The following ARAP2 variants were observed in gnomAD, a reference collection of about 807,000 sequenced individuals.
ARAP2 encodes the protein arf-GAP with Rho-GAP domain, ANK repeat and PH domain-containing protein 2.
Under a neutral mutation model 194.5 loss-of-function variants are expected in ARAP2, and 148 were observed. That is an observed-to-expected ratio of 0.76 (90% CI 0.67 to 0.87). The LOEUF is 0.87. ARAP2 is among the 40% of genes least tolerant of loss of function. The probability of loss-of-function intolerance (pLI) is 0.00; values close to 1 mark genes in which losing one functional copy is unlikely to be tolerated. For missense variants in ARAP2, 2,128 were observed against 1,989.7 expected, an observed-to-expected ratio of 1.07 and a Z score of -1.32; for synonymous variants, 695 against 683.5, an observed-to-expected ratio of 1.02 and a Z score of -0.26.
rs371250208 is a variant in ARAP2, at chr4:36,210,522, G to A, written c.1355C>T (p.Pro452Leu). 1.1e-4 allele frequency: 182 copies of A among 1,613,874 alleles called. No individual in the cohort carries two copies. The highest frequency in any genetic ancestry group is 6.6e-4 in the Middle Eastern group (4 of 6,062). Residue 452 changes from proline (P) to leucine (L), a missense_variant, in exon 6 of 33, where the codon CCG becomes CTG. Pro to Leu is a moderately conservative substitution (Grantham distance 98, BLOSUM62 -3). Transcript: ENST00000303965. ...AGCATTTCCACTTGTTGAGCTTAAC[G>A]GATAACTGTGCCTATTAACGGAGTC... ...ILDSVNRHSY[P>L]LSSTSGNADS...
chr4:36,109,842 C>T (rs1268985494), intron 26 of ARAP2, among the ~76,000 whole-genome samples: 2 of 73,338 alleles, frequency 2.7e-5, no homozygotes, highest in African/African-American at 1.1e-4. Context: ...AGGTATATCA[C>T]CTAATGCTAT....
intron 5 of ARAP2, among the ~76,000 whole-genome samples, chr4:36,030,315 T>C (rs1265168753): frequency 2.0e-5 from 3 of 152,248 alleles, no homozygotes; most frequent in African/African-American, 7.2e-5. Flanking sequence ...ACTTATTTTT[T>C]GTTTTGTATT....
chr4:36,212,353 G>C, intron 5 of ARAP2, 43 bp downstream of exon 5: 2 of 1,452,216 alleles, frequency 1.4e-6, no homozygotes, highest in Non-Finnish European at 1.9e-6. Flanking sequence ...TTGTATAACA[G>C]TTTATTCTAA....
intron 5 of ARAP2, among the ~76,000 whole-genome samples, chr4:36,031,049 G>C (rs1170317927): frequency 6.6e-6 from 1 of 152,166 alleles, no homozygotes; most frequent in Non-Finnish European, 1.5e-5. Context: ...AGAATCCCTT[G>C]AACCTGGGAG....
At chr4:36,024,995 C>A (rs1416207683) in intron 5 of ARAP2, among the ~76,000 whole-genome samples, 1 of 152,082 alleles carries the variant, frequency 6.6e-6, no homozygotes, top group African/African-American at 2.4e-5. Flanking sequence ...TATAACGAAT[C>A]AGGTCAGAAA....
chr4:36,072,840 T>C (rs1727351812), intron 32 of ARAP2, among the ~76,000 whole-genome samples: 1 of 152,104 alleles, frequency 6.6e-6, no homozygotes, highest in African/African-American at 2.4e-5. Flanking sequence ...AGAGAAGGAA[T>C]ATTACAGTGG....
intron 2 of ARAP2, among the ~76,000 whole-genome samples, chr4:36,227,683 G>A (rs764653614): frequency 1.3e-5 from 2 of 152,240 alleles, no homozygotes; most frequent in East Asian, 1.9e-4. Context: ...TGTGCAGGAC[G>A]TGTGTAAAGC....
Position 36,124,872 on chromosome 4 carries a change from G to A in ARAP2, c.3736C>T (p.His1246Tyr), listed in dbSNP as rs752218596. The change falls in exon 22 of 33, where the codon CAC becomes TAC. Residue 1246 changes from histidine (H) to tyrosine (Y), a missense_variant. Coordinates refer to ENST00000303965, the MANE Select transcript of ARAP2 (RefSeq NM_015230.4). Reference sequence around the variant, plus strand: ...CATTCATCTACCCACCTATACAGGTGTTCAATGATAGCTGCTAGTGTTGCT... The same window carrying A: ...CATTCATCTACCCACCTATACAGGTATTCAATGATAGCTGCTAGTGTTGCT... ...NRATLAAIIE[H>Y]LYRVQKCSEI... 6.2e-7 allele frequency: 1 copy of A among 1,605,708 alleles called. No homozygotes were observed. Among genetic ancestry groups the A allele is most frequent in the Non-Finnish European group, 8.5e-7 (1 of 1,173,954 alleles).
chr4:36,158,605 C>A, intron 15 of ARAP2, 125 bp downstream of exon 15: 2 of 818,872 alleles, frequency 2.4e-6, no homozygotes, highest in Non-Finnish European at 3.8e-6. Context: ...TTTATAAATC[C>A]TCAAAAATAT....
At chr4:36,221,552 A>G (rs1749172408) in intron 2 of ARAP2, among the ~76,000 whole-genome samples, 1 of 152,096 alleles carries the variant, frequency 6.6e-6, no homozygotes, top group Admixed American at 6.6e-5. Context: ...TATTTTAAGT[A>G]TATCCATTAC....
chr4:36,238,710 G>C (rs986842565), intron 1 of ARAP2, among the ~76,000 whole-genome samples: 1 of 152,162 alleles, frequency 6.6e-6, no homozygotes, highest in Non-Finnish European at 1.5e-5. Flanking sequence ...TGAGAGTTGA[G>C]AGCCAATGAC....
At chr4:36,030,574 C>A (rs913889237) in intron 5 of ARAP2, among the ~76,000 whole-genome samples, 4 of 152,014 alleles carry the variant, frequency 2.6e-5, no homozygotes, top group African/African-American at 9.7e-5. Context: ...CATTAAAAAT[C>A]GTCATTCTCT....
intron 2 of ARAP2, among the ~76,000 whole-genome samples, chr4:36,221,468 C>T (rs1488686949): frequency 6.6e-6 from 1 of 152,022 alleles, no homozygotes; most frequent in African/African-American, 2.4e-5. Context: ...TGAGATCAAA[C>T]CTGGGCAGTC....
Position 36,213,287 on chromosome 4 carries a change from G to A in ARAP2, c.997C>T (p.Pro333Ser), listed in dbSNP as rs141950924. Reference protein sequence around the residue: ...SNEENSSSIFPYGETFLFQRL... With the variant: ...SNEENSSSIFSYGETFLFQRL... Reference sequence around the variant, plus strand: ...TGGAAGAGAAAGGTCTCTCCATAAGGAAAGATGGAAGATGAATTCTCCTCA... The same window carrying A: ...TGGAAGAGAAAGGTCTCTCCATAAGAAAAGATGGAAGATGAATTCTCCTCA... The change falls in exon 4 of 33, where the codon CCT becomes TCT. Residue 333 changes from proline (P) to serine (S), a missense_variant. Pro to Ser is a moderately conservative substitution (Grantham distance 74). Coordinates refer to ENST00000303965, the MANE Select transcript of ARAP2 (RefSeq NM_015230.4). 6.2e-7 allele frequency: 1 copy of A among 1,608,392 alleles called. No homozygotes were observed. The highest frequency in any genetic ancestry group is 8.5e-7 in the Non-Finnish European group (1 of 1,175,220).
chr4:36,029,743 T>C (rs1718602522), intron 5 of ARAP2, among the ~76,000 whole-genome samples: 1 of 151,962 alleles, frequency 6.6e-6, no homozygotes. Context: ...CAGTTTTTCT[T>C]CTAGAGGGTA....
intron 19 of ARAP2, among the ~76,000 whole-genome samples, chr4:36,136,783 ATGTGTGTGTGTGTG>A (rs772565955): frequency 7.0e-6 from 1 of 143,798 alleles, no homozygotes; most frequent in Non-Finnish European, 1.5e-5. Flanking sequence ...AATCAAATAT[ATGTGTGTGTGTGTG>A]TGTGTGTGTG....
intron 26 of ARAP2, among the ~76,000 whole-genome samples, chr4:36,110,513 G>A (rs1467044441): frequency 1.3e-5 from 2 of 151,806 alleles, no homozygotes; most frequent in East Asian, 3.9e-4. Context: ...AAACCTAGAA[G>A]GTAAAGGGGT....
intron 2 of ARAP2, among the ~76,000 whole-genome samples, chr4:36,216,807 A>G (rs1382429966): frequency 1.3e-5 from 2 of 152,250 alleles, no homozygotes; most frequent in Admixed American, 6.5e-5. Context: ...GAAGCAAGAC[A>G]TAAGAAATAC....
intron 31 of ARAP2, among the ~76,000 whole-genome samples, chr4:36,076,602 C>T (rs914651298): frequency 2.0e-5 from 3 of 151,904 alleles, no homozygotes; most frequent in Non-Finnish European, 4.4e-5. Context: ...TTCTCTCTCT[C>T]TCCCCAACCC....
Sources: allele counts gnomAD v4.1 joint callset (sites outside exome capture counted in the v4.1 genomes callset), GRCh38; gene constraint gnomAD v4.1.1; transcripts MANE v1.5; gene names NCBI Gene and HGNC (gene_info 2026-07-23, HGNC 2026-07-21).